Variants in ZNF26 observed in about 807,000 individuals in gnomAD.
The protein encoded by ZNF26 is epididymis luminal protein 179.
Under a neutral mutation model 54.9 loss-of-function variants are expected in ZNF26, and 32 were observed. The ratio of observed to expected loss-of-function variants is 0.58; its 90% confidence interval spans 0.44 to 0.78. The LOEUF is 0.78. Among genes scored for constraint, ZNF26 ranks in the 30% least tolerant of loss-of-function variants. ZNF26 has a pLI of 0.00. For missense variants in ZNF26, 524 were observed against 634.0 expected, an observed-to-expected ratio of 0.83 and a Z score of 1.86; for synonymous variants, 221 against 209.2, an observed-to-expected ratio of 1.06 and a Z score of -0.49.
In ZNF26 at chr12:133,018,580, G is replaced by A. The variant is rs939761438; in HGVS notation, c.*7099G>A. On this transcript the variant is annotated 3_prime_UTR_variant, in exon 4 of 4. Coordinates refer to ENST00000328654, the MANE Select transcript of ZNF26 (RefSeq NM_019591.4). Reference sequence around the variant, plus strand: ...AGACAAAAGTGAAGGAGAAATAGATGAACAAAAGATACATGAGACATAAAA... The same window carrying A: ...AGACAAAAGTGAAGGAGAAATAGATAAACAAAAGATACATGAGACATAAAA... The A allele has an allele frequency of 6.6e-6, 1 of 152,054 alleles. No individual in the cohort carries two copies. The highest frequency in any genetic ancestry group is 1.9e-4 in the East Asian group (1 of 5,200). The allele number at this position is 152,054 out of a possible 1,614,324, so 9.4% of individuals were successfully genotyped here.
intron 1 of ZNF26, among the ~76,000 whole-genome samples, chr12:132,988,656 C>T (rs2137205015): frequency 6.6e-6 from 1 of 152,314 alleles, no homozygotes; most frequent in Admixed American, 6.5e-5. Context: ...AGTTTGTCAA[C>T]ATCTGCAAAA....
At chr12:132,990,254 C>T (rs1952919326) in intron 1 of ZNF26, among the ~76,000 whole-genome samples, 1 of 152,142 alleles carries the variant, frequency 6.6e-6, no homozygotes, top group African/African-American at 2.4e-5. Flanking sequence ...CACCACTGCA[C>T]TCCAGCCTGG....
In ZNF26 at chr12:133,018,826, C is replaced by T. The variant is rs955470862; in HGVS notation, c.*7345C>T. Reference sequence around the variant, plus strand: ...GATGGAGGTATCAAACTCCAGGGCTCAAGCAATCCTCCCATTCTGGTCTCT... The same window carrying T: ...GATGGAGGTATCAAACTCCAGGGCTTAAGCAATCCTCCCATTCTGGTCTCT... On this transcript the variant is annotated 3_prime_UTR_variant, in exon 4 of 4. Transcript: ENST00000328654. 2.0e-4 allele frequency: 30 copies of T among 151,984 alleles called. No homozygotes were observed. The highest frequency in any genetic ancestry group is 6.3e-4 in the African/African-American group (26 of 41,356). The allele number at this position is 151,984 out of a possible 1,614,324, so 9.4% of individuals were successfully genotyped here.
chr12:133,006,776 G>T, intron 1 of ZNF26: 1 of 332,624 alleles, frequency 3.0e-6, no homozygotes, highest in Non-Finnish European at 5.7e-6. Flanking sequence ...TGTATTTTTA[G>T]TAGAGACAGG....
chr12:133,006,935 A>G, intron 1 of ZNF26, 107 bp from the exon 2 acceptor site: 3 of 1,343,752 alleles, frequency 2.2e-6, no homozygotes, highest in Admixed American at 1.8e-5. Flanking sequence ...AACCAGCCAC[A>G]GGAAATAGTT....
intron 1 of ZNF26, among the ~76,000 whole-genome samples, chr12:133,000,207 TCAAAA>T: frequency 1.3e-5 from 2 of 152,058 alleles, no homozygotes; most frequent in Admixed American, 1.3e-4. Flanking sequence ...CTAGGTCAAT[TCAAAA>T]TTTTAACAGT....
chr12:133,003,286 C>G (rs369342670), intron 1 of ZNF26, among the ~76,000 whole-genome samples: 1 of 143,556 alleles, frequency 7.0e-6, no homozygotes, highest in Non-Finnish European at 1.5e-5. Context: ...GATGGAGTCT[C>G]GCTCTGTTGC....
rs1168627962 is a variant in ZNF26, at chr12:132,986,880, A to G, written c.33+7A>G. On this transcript the variant is annotated splice_region_variant and intron_variant, in intron 1 of 3. Transcript: ENST00000328654. ...CCGGACAGCTTCGTGCTGGGTAAGT[A>G]GAGACTTTCCGTGTTTAAAATTCGA... The G allele has an allele frequency of 1.9e-6, 3 of 1,605,004 alleles. No homozygotes were observed. Among genetic ancestry groups the G allele is most frequent in the Non-Finnish European group, 1.7e-6 (2 of 1,175,820 alleles).
At chr12:132,989,917 T>A (rs1952911079) in intron 1 of ZNF26, among the ~76,000 whole-genome samples, 2 of 152,216 alleles carry the variant, frequency 1.3e-5, no homozygotes, top group Non-Finnish European at 2.9e-5. Flanking sequence ...ATATTCTCTA[T>A]CAAGTTGAGA....
chr12:133,010,157 A>C lies in ZNF26; in HGVS notation c.278A>C (p.Gln93Pro), dbSNP rs1302503299. 8 of 1,596,318 alleles carry C rather than the reference A, an allele frequency of 5.0e-6. No individual in the cohort carries two copies. In the Admixed American group the frequency reaches 1.3e-4, roughly 26 times the overall value. ...GTAGATGGCTGGGAAGAATGGTACC[A>C]GAACAATCAAGATGAGCTTGAGAGT... ...SCPDGWEEWY[Q>P]NNQDELESIE... Residue 93 changes from glutamine to proline, a missense_variant, in exon 4 of 4, where the codon CAG (glutamine) becomes CCG (proline). Coordinates refer to ENST00000328654, the MANE Select transcript of ZNF26 (RefSeq NM_019591.4).
intron 1 of ZNF26, among the ~76,000 whole-genome samples, chr12:133,002,425 C>G (rs1453784522): frequency 2.0e-5 from 3 of 152,100 alleles, no homozygotes; most frequent in Non-Finnish European, 2.9e-5. Context: ...ACACAACCCC[C>G]TCCCTCTTCC....
intron 3 of ZNF26, among the ~76,000 whole-genome samples, 177 bp from the exon 4 acceptor site, chr12:133,009,959 G>A (rs1207457060): frequency 6.6e-6 from 1 of 152,052 alleles, no homozygotes; most frequent in Non-Finnish European, 1.5e-5. Flanking sequence ...ACCTGTTTTG[G>A]TTTGTTTTGA....
chr12:132,997,791 T>C (rs2137229478), intron 1 of ZNF26, among the ~76,000 whole-genome samples: 1 of 152,328 alleles, frequency 6.6e-6, no homozygotes, highest in East Asian at 1.9e-4. Context: ...CACACAAGGA[T>C]TACAAACGAA....
chr12:133,011,517 C>T lies in ZNF26; in HGVS notation c.*36C>T. On this transcript the variant is annotated 3_prime_UTR_variant, in exon 4 of 4. Coordinates refer to ENST00000328654, the MANE Select transcript of ZNF26 (RefSeq NM_019591.4). ...TGATGCAATGTGAGAAACTGATGTT[C>T]AGGAGACTTCGGATAATATAGACAG... The T allele has an allele frequency of 6.6e-7, 1 of 1,510,618 alleles. No individual in the cohort carries two copies. The highest frequency in any genetic ancestry group is 1.8e-4 in the Middle Eastern group (1 of 5,596). 93.6% of individuals were successfully genotyped at this position (1,510,618 alleles called of 1,614,324 possible). A position where few individuals can be genotyped will look rare whatever the true frequency, so the allele number is the denominator to read the frequency against.
At chr12:132,987,803 C>G in intron 1 of ZNF26, 3 of 870,894 alleles carry the variant, frequency 3.4e-6, no homozygotes, top group Non-Finnish European at 4.1e-6. Flanking sequence ...AAAGGACACA[C>G]GGTGGAGAAA....
At chr12:132,993,445 T>C (rs1017784808) in intron 1 of ZNF26, among the ~76,000 whole-genome samples, 15 of 151,940 alleles carry the variant, frequency 9.9e-5, no homozygotes, top group Non-Finnish European at 2.1e-4. Flanking sequence ...TTCTGATGCT[T>C]GCCCTGTCTG....
chr12:133,009,259 A>T (rs1409075624), intron 3 of ZNF26, among the ~76,000 whole-genome samples: 3 of 152,190 alleles, frequency 2.0e-5, no homozygotes, highest in African/African-American at 7.2e-5. Context: ...AGAACAGTCA[A>T]ACTGATCTTT....
rs1953554927 is a variant in ZNF26 at position 133,015,463 on chromosome 12, C to T, written c.*3982C>T. 1 of 150,790 alleles carries T rather than the reference C, an allele frequency of 6.6e-6. No individual in the cohort carries two copies. The highest frequency in any genetic ancestry group is 6.6e-5 in the Admixed American group (1 of 15,106). 9.3% of individuals were successfully genotyped at this position (150,790 alleles called of 1,614,324 possible). ...CTTCACTTGCATCGGCCTCAATTAT[C>T]AACTTGTGGCAAAAGAATAAGAAAG... On this transcript the variant is annotated 3_prime_UTR_variant, in exon 4 of 4. Transcript: ENST00000328654.
intron 1 of ZNF26, among the ~76,000 whole-genome samples, chr12:132,988,559 A>C (rs2137204790): frequency 6.6e-6 from 1 of 152,242 alleles, no homozygotes; most frequent in East Asian, 1.9e-4. Flanking sequence ...TAAGTCTTGA[A>C]GTCAGGTTCA....
Sources: gnomAD v4.1 joint callset for allele counts (sites outside exome capture counted in the v4.1 genomes callset) on GRCh38, gnomAD v4.1.1 for gene constraint, MANE v1.5 for transcripts, NCBI Gene and HGNC (gene_info 2026-07-23, HGNC 2026-07-21) for gene names.